The following NCAM2 variants were observed in gnomAD, a reference collection of about 807,000 sequenced individuals.
The protein encoded by NCAM2 is neural cell adhesion molecule 2.
In NCAM2, 30 loss-of-function variants were observed where a neutral mutation model predicts 98.1. That is an observed-to-expected ratio of 0.31 (90% confidence interval 0.23 to 0.41). The LOEUF (loss-of-function observed/expected upper bound fraction) is 0.41, where lower values mean the gene tolerates loss of function less well. NCAM2 is among the 10% of genes least tolerant of loss of function. NCAM2 has a pLI of 1.00. For synonymous variants in NCAM2, 368 were observed against 342.4 expected (o/e 1.07, Z -0.83); for missense variants, 867 against 1,005.8 (o/e 0.86, Z 1.87).
chr21:21,290,846 A>G (rs140895438), intron 4 of NCAM2, among the ~76,000 whole-genome samples: 56 of 151,938 alleles, frequency 3.7e-4, no homozygotes, highest in African/African-American at 1.3e-3. Context: ...CCCAAATTGG[A>G]GTGGCCTACT....
intron 1 of NCAM2, among the ~76,000 whole-genome samples, chr21:21,179,012 A>C (rs975180589): frequency 7.2e-5 from 11 of 152,124 alleles, no homozygotes; most frequent in African/African-American, 2.7e-4. Flanking sequence ...AATGTTGTTC[A>C]GGCCAGAGGG....
chr21:21,346,851 A>G (rs2075203880), intron 8 of NCAM2, among the ~76,000 whole-genome samples: 1 of 152,018 alleles, frequency 6.6e-6, no homozygotes, highest in Admixed American at 6.6e-5. Context: ...ACAAAATACA[A>G]AAACCTATGG....
Position 20,998,643 on chromosome 21 carries a change from T to A in NCAM2, c.55+25T>A, listed in dbSNP as rs759025175. On this transcript the variant is annotated intron_variant, in intron 1 of 17. Transcript: ENST00000400546. ...GGTAGGAGTGTGGCGCTTTATTGCA[T>A]TTACTTTCCCTCCCCCTTCCACCCG... 6.8e-6 allele frequency: 11 copies of A among 1,610,832 alleles called. No individual in the cohort carries two copies. The South Asian group carries it at 9.9e-5, about 14-fold the overall frequency.
At chr21:21,421,652 T>C (rs891043290) in intron 11 of NCAM2, among the ~76,000 whole-genome samples, 2 of 152,168 alleles carry the variant, frequency 1.3e-5, no homozygotes, top group Admixed American at 1.3e-4. Flanking sequence ...TATACTGTGA[T>C]TTTAAATAAG....
At chr21:21,202,553 A>G (rs888046601) in intron 1 of NCAM2, among the ~76,000 whole-genome samples, 1 of 151,322 alleles carries the variant, frequency 6.6e-6, no homozygotes, top group East Asian at 2.0e-4. Context: ...AGTAGCTGGG[A>G]ATACAGGCAT....
intron 8 of NCAM2, among the ~76,000 whole-genome samples, chr21:21,350,349 AACTC>A (rs1376433316): frequency 6.6e-6 from 1 of 152,166 alleles, no homozygotes; most frequent in Non-Finnish European, 1.5e-5. Context: ...TAATAACTGT[AACTC>A]ACTAACTACG....
chr21:21,218,448 ATGTG>A (rs2069999862), intron 1 of NCAM2, among the ~76,000 whole-genome samples: 1 of 152,202 alleles, frequency 6.6e-6, no homozygotes, highest in African/African-American at 2.4e-5. Flanking sequence ...AAAGATGTCC[ATGTG>A]TCTGGAACTG....
intron 1 of NCAM2, among the ~76,000 whole-genome samples, chr21:21,254,576 T>C (rs1272471948): frequency 3.9e-5 from 6 of 152,212 alleles, no homozygotes; most frequent in Admixed American, 6.5e-5. Flanking sequence ...TGAACTTTAA[T>C]GTCTAGACCA....
intron 1 of NCAM2, among the ~76,000 whole-genome samples, chr21:21,034,964 A>G (rs1479428599): frequency 6.6e-6 from 1 of 152,168 alleles, no homozygotes; most frequent in Admixed American, 6.5e-5. Flanking sequence ...TAGGTTAGGA[A>G]ACCAGGAGGA....
At chr21:21,035,220 CT>C (rs1313982471) in intron 1 of NCAM2, among the ~76,000 whole-genome samples, 2 of 152,118 alleles carry the variant, frequency 1.3e-5, no homozygotes, top group African/African-American at 4.8e-5. Flanking sequence ...CTGGATATAT[CT>C]GAAAATAGCA....
At chr21:21,345,934 C>T (rs2075174829) in intron 8 of NCAM2, among the ~76,000 whole-genome samples, 1 of 151,840 alleles carries the variant, frequency 6.6e-6, no homozygotes, top group Non-Finnish European at 1.5e-5. Context: ...ATCATATCAC[C>T]AGAGAAAATC....
Position 21,534,542 on chromosome 21 carries a change from A to G in NCAM2, c.2288A>G (p.Asp763Gly). 1 of 1,590,166 alleles carries G rather than the reference A, an allele frequency of 6.3e-7. No individual in the cohort carries two copies. The highest frequency in any genetic ancestry group is 1.1e-5 in the South Asian group (1 of 88,478). Residue 763 changes from aspartate (D) to glycine (G), a missense_variant, in exon 17 of 18, where the codon GAT becomes GGT. Coordinates refer to ENST00000400546, the MANE Select transcript of NCAM2 (RefSeq NM_004540.5). The stretch of plus-strand genomic sequence containing the variant: ...GTTTCTCTTTATGTTTCTAGGAAAG[A>G]TGGATCAAAAGAACCAATAGTGGAG... ...LEEGKAAYLK[D>G]GSKEPIVEMR... is the part of the protein sequence containing the mutation.
At chr21:21,403,587 T>C (rs907821276) in intron 9 of NCAM2, among the ~76,000 whole-genome samples, 1 of 152,182 alleles carries the variant, frequency 6.6e-6, no homozygotes, top group African/African-American at 2.4e-5. Flanking sequence ...TTACTATTCA[T>C]AGACATAAAT....
At chr21:21,528,226 G>A (rs1045336225) in intron 16 of NCAM2, among the ~76,000 whole-genome samples, 2 of 152,164 alleles carry the variant, frequency 1.3e-5, no homozygotes, top group Non-Finnish European at 2.9e-5. Flanking sequence ...GAGCCCAGAA[G>A]ATTTGTGAGG....
intron 1 of NCAM2, among the ~76,000 whole-genome samples, chr21:21,174,792 G>C (rs1202433456): frequency 6.6e-6 from 1 of 151,904 alleles, no homozygotes; most frequent in Non-Finnish European, 1.5e-5. Context: ...ATTGTTATGA[G>C]AAAAGAGAGC....
chr21:21,160,403 T>C (rs962839545), intron 1 of NCAM2, among the ~76,000 whole-genome samples: 3 of 152,006 alleles, frequency 2.0e-5, no homozygotes, highest in Admixed American at 2.0e-4. Flanking sequence ...CCAATTAGAT[T>C]TCTAGTGAGT....
In NCAM2 at chr21:21,359,771, C is replaced by G. The variant is rs558743862; in HGVS notation, c.1045-14092C>G. On this transcript the variant is annotated intron_variant, in intron 8 of 17. Transcript: ENST00000400546. ...GCTTATGAAGTAGTCGACTACTACA[C>G]TTGAAGAAAATATAAAATCGTATCA... 6.6e-5 allele frequency among the ~76,000 whole-genome samples: 10 copies of G among 151,902 alleles called. No homozygotes were observed. In the South Asian group the frequency reaches 1.9e-3, roughly 28 times the overall value.
Position 21,373,987 on chromosome 21 carries a change from A to G in NCAM2, c.1169A>G (p.Gln390Arg). 6.2e-7 allele frequency: 1 copy of G among 1,610,632 alleles called. No homozygotes were observed. ...GCTGCAAGCAGAATTGGAGGGCATC[A>G]AAAGAGCATGTACCTTGATATTGAA... ...CEAASRIGGH[Q>R]KSMYLDIEYA... The change falls in exon 9 of 18, where the codon CAA (glutamine) becomes CGA (arginine). Residue 390 changes from glutamine to arginine, a missense_variant. Gln to Arg is a conservative substitution (Grantham distance 43). Transcript: ENST00000400546.
chr21:21,237,942 T>C (rs898746912), intron 1 of NCAM2, among the ~76,000 whole-genome samples: 1 of 131,294 alleles, frequency 7.6e-6, no homozygotes, highest in Non-Finnish European at 1.6e-5. Flanking sequence ...TCCAGGGCAT[T>C]GTAATTCTTT....
Sources: gnomAD v4.1 joint callset for allele counts (sites outside exome capture counted in the v4.1 genomes callset) on GRCh38, gnomAD v4.1.1 for gene constraint, MANE v1.5 for transcripts, NCBI Gene and HGNC (gene_info 2026-07-23, HGNC 2026-07-21) for gene names.